Variants in USH2A observed in about 807,000 individuals in gnomAD.
The protein encoded by USH2A is usherin.
In USH2A, 443 loss-of-function variants were observed where a neutral mutation model predicts 538.9. The observed-to-expected ratio is 0.82, with a 90% confidence interval of 0.76 to 0.89. The LOEUF (loss-of-function observed/expected upper bound fraction) is 0.89, where lower values mean the gene tolerates loss of function less well. Among genes scored for constraint, USH2A ranks in the 40% least tolerant of loss-of-function variants. USH2A has a pLI of 0.00. For synonymous variants in USH2A, 2,413 were observed against 2,273.5 expected (o/e 1.06, Z -1.75); for missense variants, 6,633 against 6,324.8 (o/e 1.05, Z -1.65).
At chr1:215,645,183 G>T (rs1436019978) in intron 67 of USH2A, among the ~76,000 whole-genome samples, 3 of 152,138 alleles carry the variant, frequency 2.0e-5, no homozygotes, top group Admixed American at 6.5e-5. Flanking sequence ...GGTGAGCTGG[G>T]TTGTGGGCAT....
chr1:215,869,722 C>CTAT (rs1664573926), intron 43 of USH2A, among the ~76,000 whole-genome samples: 3 of 152,206 alleles, frequency 2.0e-5, no homozygotes, highest in Admixed American at 1.3e-4. Context: ...CATGTCTATG[C>CTAT]TATTATACAA....
At chr1:216,092,560 A>G (rs1350238061) in intron 22 of USH2A, among the ~76,000 whole-genome samples, 1 of 152,224 alleles carries the variant, frequency 6.6e-6, no homozygotes, top group South Asian at 2.1e-4. Flanking sequence ...AGCAAATAAG[A>G]GAAGAGTATT....
chr1:215,886,811 T>C (rs566958515), intron 41 of USH2A, among the ~76,000 whole-genome samples: 1 of 152,192 alleles, frequency 6.6e-6, no homozygotes, highest in African/African-American at 2.4e-5. Context: ...TGTTTATATA[T>C]GCTGAATCAA....
intron 61 of USH2A, among the ~76,000 whole-genome samples, chr1:215,688,460 G>C (rs781359465): frequency 2.6e-5 from 4 of 152,108 alleles, no homozygotes; most frequent in Non-Finnish European, 5.9e-5. Context: ...CATTCTGGCT[G>C]ATGTGTGAAC....
intron 37 of USH2A, among the ~76,000 whole-genome samples, chr1:215,937,364 A>G (rs577830558): frequency 6.6e-6 from 1 of 152,142 alleles, no homozygotes; most frequent in African/African-American, 2.4e-5. Flanking sequence ...TTTCCAATTT[A>G]TGCCATTTTA....
intron 3 of USH2A, among the ~76,000 whole-genome samples, chr1:216,407,807 T>C (rs1558075091): frequency 6.6e-6 from 1 of 152,092 alleles, no homozygotes. Context: ...GTGAAAATGA[T>C]ATAATATAAA....
At chr1:216,308,097 T>C (rs2037351069) in intron 9 of USH2A, among the ~76,000 whole-genome samples, 1 of 152,220 alleles carries the variant, frequency 6.6e-6, no homozygotes, top group Non-Finnish European at 1.5e-5. Flanking sequence ...TCCTGCCTCC[T>C]ATCCTTTTAT....
At chr1:215,707,037 T>C (rs1659202465) in intron 61 of USH2A, among the ~76,000 whole-genome samples, 1 of 152,234 alleles carries the variant, frequency 6.6e-6, no homozygotes, top group African/African-American at 2.4e-5. Context: ...TTATTTTCAT[T>C]TAGGCAGATC....
chr1:215,703,228 T>C (rs1238695524), intron 61 of USH2A, among the ~76,000 whole-genome samples: 2 of 152,172 alleles, frequency 1.3e-5, no homozygotes, highest in East Asian at 1.9e-4. Flanking sequence ...GCTGGAGCTC[T>C]CCTGTATGAG....
At chr1:216,069,378 G>A (rs554614885) in intron 30 of USH2A, among the ~76,000 whole-genome samples, 19 of 152,280 alleles carry the variant, frequency 1.2e-4, no homozygotes, top group African/African-American at 3.8e-4. Context: ...CTTTTCTAAC[G>A]TCCATTCTGA....
At chr1:216,362,788 C>T (rs1002253495) in intron 4 of USH2A, among the ~76,000 whole-genome samples, 1 of 151,488 alleles carries the variant, frequency 6.6e-6, no homozygotes, top group Non-Finnish European at 1.5e-5. Context: ...ACTAAAAATA[C>T]AAAAGTTAGG....
intron 56 of USH2A, among the ~76,000 whole-genome samples, chr1:215,762,508 G>A (rs1382563846): frequency 6.6e-6 from 1 of 152,116 alleles, no homozygotes; most frequent in Non-Finnish European, 1.5e-5. Context: ...TTTCAAGTTG[G>A]TAATAACTCC....
chr1:215,801,406 A>C (rs1571699951), intron 49 of USH2A, among the ~76,000 whole-genome samples: 1 of 151,782 alleles, frequency 6.6e-6, no homozygotes, highest in Admixed American at 6.6e-5. Context: ...AAAAAAAAAA[A>C]AAACCTGTTA....
intron 11 of USH2A, among the ~76,000 whole-genome samples, chr1:216,257,957 G>A (rs2036290760): frequency 1.3e-5 from 2 of 151,992 alleles, no homozygotes; most frequent in Admixed American, 6.6e-5. Context: ...ACTATGTAGA[G>A]TTGTAATATC....
intron 37 of USH2A, among the ~76,000 whole-genome samples, chr1:215,950,170 T>A (rs1354328183): frequency 6.6e-6 from 1 of 152,192 alleles, no homozygotes; most frequent in African/African-American, 2.4e-5. Flanking sequence ...TTGTTATACA[T>A]ATTAAGGAAA....
chr1:215,797,726 A>C (rs748087026), intron 50 of USH2A, among the ~76,000 whole-genome samples: 1 of 152,202 alleles, frequency 6.6e-6, no homozygotes, highest in Admixed American at 6.5e-5. Flanking sequence ...TTCTTTTAAA[A>C]TATTAATACT....
At chr1:215,946,451 A>T (rs1195537177) in intron 37 of USH2A, among the ~76,000 whole-genome samples, 1 of 152,184 alleles carries the variant, frequency 6.6e-6, no homozygotes, top group Non-Finnish European at 1.5e-5. Context: ...AGGACCAAAT[A>T]AAAAAGGAGA....
intron 50 of USH2A, among the ~76,000 whole-genome samples, chr1:215,796,041 G>A (rs969793752): frequency 1.3e-5 from 2 of 152,046 alleles, no homozygotes; most frequent in Non-Finnish European, 2.9e-5. Context: ...GAATGACATT[G>A]TGTTATATTT....
rs1347739121 is a variant in USH2A, at chr1:216,251,111, C to T, written c.1972-13G>A. The stretch of plus-strand genomic sequence containing the variant: ...ACTGTCCTCCAATCTAGAGAAGATA[C>T]AACATTTTGTAGAATGATGAACGTA... On this transcript the variant is annotated splice_polypyrimidine_tract_variant and intron_variant, in intron 11 of 71. Transcript: ENST00000307340. 1.2e-6 allele frequency: 2 copies of T among 1,613,372 alleles called. No individual in the cohort carries two copies. Among genetic ancestry groups the T allele is most frequent in the Admixed American group, 3.3e-5 (2 of 59,996 alleles).
Sources: allele counts gnomAD v4.1 joint callset (sites outside exome capture counted in the v4.1 genomes callset), GRCh38; gene constraint gnomAD v4.1.1; transcripts MANE v1.5; gene names NCBI Gene and HGNC (gene_info 2026-07-23, HGNC 2026-07-21).